FHIT: variants seen among roughly 807,000 people sequenced by gnomAD.
The protein encoded by FHIT is fragile histidine triad diadenosine triphosphatase, also known as bis(5'-adenosyl)-triphosphatase.
A neutral mutation model predicts 17.9 loss-of-function variants in FHIT; 19 were observed. The ratio of observed to expected loss-of-function variants is 1.06; its 90% CI spans 0.74 to 1.56. The LOEUF (loss-of-function observed/expected upper bound fraction) is 1.56. Ranked by LOEUF, FHIT falls within the 40% of genes most tolerant of loss-of-function variation. The probability of loss-of-function intolerance (pLI) is 0.00; values close to 1 mark genes in which losing one functional copy is unlikely to be tolerated. For synonymous variants in FHIT, 81 were observed against 69.7 expected, an observed-to-expected ratio of 1.16 and a Z score of -0.81; for missense variants, 248 against 189.2, an observed-to-expected ratio of 1.31 and a Z score of -1.82.
At chr3:60,732,654 T>G (rs1362051989) in intron 4 of FHIT, 2 of 401,274 alleles carry the variant, frequency 5.0e-6, no homozygotes, top group Admixed American at 2.9e-5. Flanking sequence ...AGTAGGGTGC[T>G]CCCGGCAGTG....
intron 5 of FHIT, among the ~76,000 whole-genome samples, chr3:60,123,890 T>C (rs2107230785): frequency 6.7e-6 from 1 of 148,172 alleles, no homozygotes; most frequent in East Asian, 2.0e-4. Context: ...CTTAAAAATA[T>C]TTGTTACATG....
In FHIT at chr3:60,862,184, GT is replaced by G. The variant is rs1182876227; in HGVS notation, c.-110-40174del. 2.0e-5 allele frequency among the ~76,000 whole-genome samples: 3 copies of G among 151,946 alleles called. No homozygotes were observed. The East Asian group carries it at 5.8e-4, about 29-fold the overall frequency. ...TATGGAGTTTTTTGTTTTTGTTTTT[GT>G]TTTTGTTTTTTAAGACAGTGTCTTG... On this transcript the variant is annotated intron_variant, in intron 3 of 9. Coordinates refer to ENST00000492590, the MANE Select transcript of FHIT (RefSeq NM_002012.4).
At chr3:61,081,083 G>T (rs1385829486) in intron 2 of FHIT, among the ~76,000 whole-genome samples, 1 of 152,140 alleles carries the variant, frequency 6.6e-6, no homozygotes, top group Non-Finnish European at 1.5e-5. Context: ...AAGAATATGG[G>T]CCCTAGCAAA....
At chr3:60,059,961 T>A (rs1702233848) in intron 5 of FHIT, among the ~76,000 whole-genome samples, 1 of 152,348 alleles carries the variant, frequency 6.6e-6, no homozygotes, top group South Asian at 2.1e-4. Flanking sequence ...CTTATAAGCA[T>A]TAACCGTGCT....
At chr3:59,931,461 A>G (rs1392733641) in intron 7 of FHIT, among the ~76,000 whole-genome samples, 4 of 152,112 alleles carry the variant, frequency 2.6e-5, no homozygotes, top group African/African-American at 9.7e-5. Flanking sequence ...AGCATGATCA[A>G]CTCAAGAATC....
intron 5 of FHIT, among the ~76,000 whole-genome samples, chr3:60,243,481 A>G (rs535979825): frequency 5.1e-4 from 78 of 152,134 alleles, no homozygotes; most frequent in African/African-American, 1.8e-3. Flanking sequence ...GCCTGCATAC[A>G]CTCTAGGGAC....
intron 5 of FHIT, among the ~76,000 whole-genome samples, chr3:60,213,497 C>T (rs1475434620): frequency 1.3e-5 from 2 of 152,176 alleles, no homozygotes; most frequent in African/African-American, 4.8e-5. Flanking sequence ...TCCCACAGGC[C>T]ACTACACTGG....
chr3:59,845,355 C>A (rs1457361800), intron 8 of FHIT, among the ~76,000 whole-genome samples: 1 of 151,682 alleles, frequency 6.6e-6, no homozygotes, highest in African/African-American at 2.4e-5. Flanking sequence ...CGTTATTTTT[C>A]TAGTTTCTAA....
At chr3:60,262,718 C>G (rs1408690027) in intron 5 of FHIT, among the ~76,000 whole-genome samples, 1 of 151,988 alleles carries the variant, frequency 6.6e-6, no homozygotes, top group East Asian at 1.9e-4. Context: ...ATTTCCTGTT[C>G]AGCTAACTGA....
At position 59,866,750 on chromosome 3, in the gene FHIT, T is replaced by C. The variant is rs560911080; in HGVS notation, c.348+55596A>G. On this transcript the variant is annotated intron_variant, in intron 8 of 9. Coordinates refer to ENST00000492590, the MANE Select transcript of FHIT (RefSeq NM_002012.4). ...GGGAGGAGATAGTGCTTAGAAAGAATAGAATAATTGCCACTTCTGTAGATA... is the reference window on the plus strand; with the variant it reads ...GGGAGGAGATAGTGCTTAGAAAGAACAGAATAATTGCCACTTCTGTAGATA... Among the ~76,000 whole-genome samples, 15 of 152,224 alleles carry C rather than the reference T, an allele frequency of 9.9e-5. 1 individual carries two copies. The South Asian group carries it at 2.9e-3, about 29-fold the overall frequency.
chr3:60,030,099 C>T (rs1354506504), intron 5 of FHIT, among the ~76,000 whole-genome samples: 1 of 152,046 alleles, frequency 6.6e-6, no homozygotes, highest in African/African-American at 2.4e-5. Flanking sequence ...TATTATCAAA[C>T]CTCCTGAACT....
intron 2 of FHIT, among the ~76,000 whole-genome samples, chr3:61,101,610 T>A (rs142156333): frequency 2.1e-4 from 32 of 152,336 alleles, no homozygotes; most frequent in African/African-American, 7.0e-4. Context: ...GGTAGCTTGA[T>A]GGGGATGGCA....
At chr3:60,325,546 TG>T (rs1709652624) in intron 5 of FHIT, among the ~76,000 whole-genome samples, 1 of 152,244 alleles carries the variant, frequency 6.6e-6, no homozygotes, top group African/African-American at 2.4e-5. Context: ...CCTTCAGAGT[TG>T]GGTTTTTAAA....
intron 5 of FHIT, among the ~76,000 whole-genome samples, chr3:60,029,400 G>A (rs1700887840): frequency 6.6e-6 from 1 of 152,144 alleles, no homozygotes; most frequent in African/African-American, 2.4e-5. Flanking sequence ...TAAAACCTGT[G>A]CCAAGAACTA....
rs5849346 is a variant in FHIT at position 60,238,143 on chromosome 3, C to CAAA, written c.104-223994_104-223992dup. ...CCTGGCACCAAGCGAGACTCCGTCT[C>CAAA]AAAAAAAAAAAAAAAAAAGAATTTG... On this transcript the variant is annotated intron_variant, in intron 5 of 9. Transcript: ENST00000492590. Among the ~76,000 whole-genome samples the CAAA allele has an allele frequency of 7.5e-3, 840 of 111,614 alleles. 21 individuals carry two copies. Among genetic ancestry groups the CAAA allele is most frequent in the Non-Finnish European group, 0.01 (591 of 57,450 alleles). 73.2% of individuals were successfully genotyped at this position (111,614 alleles called of 152,430 possible). A position where few individuals can be genotyped will look rare whatever the true frequency, so the allele number is the denominator to read the frequency against.
intron 8 of FHIT, among the ~76,000 whole-genome samples, chr3:59,837,387 A>G (rs1701375497): frequency 1.3e-5 from 2 of 152,198 alleles, no homozygotes; most frequent in East Asian, 1.9e-4. Flanking sequence ...ATACAATATA[A>G]ATGCTACGTA....
At chr3:60,139,400 C>T (rs1174047046) in intron 5 of FHIT, among the ~76,000 whole-genome samples, 1 of 200 alleles carries the variant, frequency 5.0e-3, no homozygotes, top group African/African-American at 0.016. Context: ...GGTTTAGCAC[C>T]CACTAAGTGA....
intron 8 of FHIT, among the ~76,000 whole-genome samples, chr3:59,861,462 C>A (rs1040108458): frequency 2.0e-5 from 3 of 152,158 alleles, no homozygotes; most frequent in Admixed American, 6.5e-5. Flanking sequence ...GTGCAAACTT[C>A]CAGGGTGCTA....
rs187206022 is a variant in FHIT at position 60,706,767 on chromosome 3, T to C, written c.-18+115152A>G. On this transcript the variant is annotated intron_variant, in intron 4 of 9. Transcript: ENST00000492590. ...TACATTTTGCTGAATTCTGTTTTTG[T>C]CCATTTTCATCATTCAAAAGATTTT... Among the ~76,000 whole-genome samples the C allele has an allele frequency of 3.3e-5, 5 of 152,336 alleles. No individual in the cohort carries two copies. The East Asian group carries it at 9.6e-4, about 29-fold the overall frequency.
Sources: allele counts gnomAD v4.1 joint callset (sites outside exome capture counted in the v4.1 genomes callset), GRCh38; gene constraint gnomAD v4.1.1; transcripts MANE v1.5; gene names NCBI Gene and HGNC (gene_info 2026-07-23, HGNC 2026-07-21).